RPGR: variants seen among roughly 807,000 people sequenced by gnomAD.
RPGR encodes retinitis pigmentosa GTPase regulator, also known as X-linked retinitis pigmentosa GTPase regulator.
In RPGR, 10 loss-of-function variants were observed where a neutral mutation model predicts 56.3. That is an observed-to-expected ratio of 0.18 (90% CI 0.11 to 0.30). RPGR has a LOEUF of 0.30. RPGR is among the 10% of genes least tolerant of loss of function. The pLI, the probability that RPGR is intolerant of heterozygous loss-of-function variation, is 1.00. For missense variants in RPGR, 538 were observed against 590.9 expected (o/e 0.91, Z 0.93); for synonymous variants, 197 against 212.9 (o/e 0.93, Z 0.65).
At chrX:38,270,687 T>C in intron 18 of RPGR, among the ~76,000 whole-genome samples, 1 of 108,768 alleles carries the variant, frequency 9.2e-6, no homozygotes, top group Non-Finnish European at 1.9e-5. Flanking sequence ...TGTGTGGGTC[T>C]GAGTAGGCAG....
intron 6 of RPGR, among the ~76,000 whole-genome samples, chrX:38,314,043 G>A (rs907080483): frequency 2.7e-5 from 3 of 111,249 alleles, no homozygotes; most frequent in Non-Finnish European, 5.7e-5. Context: ...TAATACTAAC[G>A]ATAGCTGATG....
chrX:38,324,648 G>C (rs1264870643), intron 1 of RPGR, among the ~76,000 whole-genome samples: 1 of 108,340 alleles, frequency 9.2e-6, no homozygotes, highest in East Asian at 3.0e-4. Context: ...TAGCTCAATA[G>C]CTACCTCTGT....
At chrX:38,296,994 C>T (rs2067395773) in intron 11 of RPGR, among the ~76,000 whole-genome samples, 1 of 111,661 alleles carries the variant, frequency 9.0e-6, no homozygotes, top group South Asian at 3.8e-4. Context: ...CTCCTAAGTT[C>T]ATCAAGTGGT....
intron 15 of RPGR, chrX:38,284,490 G>A (rs1307346758): frequency 1.9e-5 from 14 of 746,308 alleles, no homozygotes; most frequent in Non-Finnish European, 2.2e-5. Flanking sequence ...TGAATACATT[G>A]AGGGCATATA....
chrX:38,276,921 C>G, intron 15 of RPGR: 1 of 484,622 alleles, frequency 2.1e-6, no homozygotes, highest in Non-Finnish European at 3.4e-6. Context: ...AAATACTGTA[C>G]AGTCCATGCT....
chrX:38,285,556 T>C, intron 15 of RPGR: 1 of 1,211,716 alleles, frequency 8.3e-7, no homozygotes, highest in Non-Finnish European at 1.1e-6. Context: ...CAATTCCAAG[T>C]AATGTGGTAA....
chrX:38,311,366 T>C (rs745680049), intron 6 of RPGR, among the ~76,000 whole-genome samples: 2 of 112,491 alleles, frequency 1.8e-5, no homozygotes, highest in Admixed American at 9.4e-5. Flanking sequence ...TCACACTGTA[T>C]TATGACTGTG....
At chrX:38,304,943 T>G in intron 7 of RPGR, 153 bp from the exon 8 acceptor site, 1 of 489,090 alleles carries the variant, frequency 2.0e-6, no homozygotes, top group Non-Finnish European at 3.6e-6. Flanking sequence ...TATTGAAGTA[T>G]AAATCTTTCA....
chrX:38,297,176 G>A, intron 11 of RPGR, 108 bp downstream of exon 11: 3 of 840,151 alleles, frequency 3.6e-6, no homozygotes, highest in South Asian at 2.2e-5. Flanking sequence ...GCTCTAACCA[G>A]GGAGAGAACA....
chrX:38,320,335 T>C (rs931692014), intron 4 of RPGR, among the ~76,000 whole-genome samples: 1 of 111,235 alleles, frequency 9.0e-6, no homozygotes, highest in Non-Finnish European at 1.9e-5. Flanking sequence ...AGTGGTCAGG[T>C]CCTGGAGGTC....
chrX:38,320,559 T>C (rs1361390259), intron 4 of RPGR, among the ~76,000 whole-genome samples: 1 of 112,524 alleles, frequency 8.9e-6, no homozygotes, highest in Admixed American at 9.4e-5. Context: ...CAGTCCTCTG[T>C]TATTTTTCAA....
chrX:38,302,760 T>C, intron 8 of RPGR: 1 of 109,612 alleles, frequency 9.1e-6, no homozygotes, highest in Non-Finnish European at 1.9e-5. Flanking sequence ...TCCCTGTAAA[T>C]ATGTAAGTAA....
rs757948609 is a variant in RPGR at position 38,269,775 on chromosome X, C to T, written c.2299G>A (p.Glu767Lys). The change falls in exon 19 of 19, where the codon GAG becomes AAG. Residue 767 changes from glutamate (E) to lysine (K), a missense_variant. Glu to Lys is a moderately conservative substitution (Grantham distance 56). Transcript: ENST00000642395. ...ATGGATTTTATCTCTGGGAGCGGCT[C>T]ATTGTTATTCTTGACAATCTTTTGA... 8.3e-7 allele frequency: 1 copy of T among 1,210,253 alleles called. No individual in the cohort carries two copies. Among genetic ancestry groups the T allele is most frequent in the South Asian group, 1.8e-5 (1 of 56,902 alleles).
intron 13 of RPGR, among the ~76,000 whole-genome samples, chrX:38,290,556 T>C (rs2067260927): frequency 8.9e-6 from 1 of 112,270 alleles, no homozygotes; most frequent in African/African-American, 3.2e-5. Context: ...CTAAAAAAGA[T>C]ATTAATATCA....
chrX:38,269,875 G>T, intron 18 of RPGR: 1 of 965,183 alleles, frequency 1.0e-6, no homozygotes, highest in Non-Finnish European at 1.5e-6. Flanking sequence ...TTCCATAAGT[G>T]AAACATTCAC....
intron 16 of RPGR, among the ~76,000 whole-genome samples, chrX:38,275,695 A>G: frequency 8.9e-6 from 1 of 112,040 alleles, no homozygotes; most frequent in Admixed American, 9.5e-5. Flanking sequence ...ACAAGTACAC[A>G]TTCAAATAAA....
chrX:38,305,031 T>C (rs1211545345), intron 7 of RPGR, among the ~76,000 whole-genome samples: 1 of 112,226 alleles, frequency 8.9e-6, no homozygotes, highest in Non-Finnish European at 1.9e-5. Context: ...CTTTTATACA[T>C]AACCATAGTT....
At position 38,269,486 on chromosome X, in the gene RPGR, A is replaced by T. The variant is rs1391592221; in HGVS notation, c.*140T>A. 6 of 443,074 alleles carry T rather than the reference A, an allele frequency of 1.4e-5. No individual in the cohort carries two copies. The highest frequency in any genetic ancestry group is 4.9e-5 in the African/African-American group (2 of 40,786). 36.5% of individuals were successfully genotyped at this position (443,074 alleles called of 1,213,427 possible). A position where few individuals can be genotyped will look rare whatever the true frequency, so the allele number is the denominator to read the frequency against. On this transcript the variant is annotated 3_prime_UTR_variant, in exon 19 of 19. Transcript: ENST00000642395. ...GCATAAATAAATATCAAAACTGGTC[A>T]CACTTATAGAAGCTGAATAAAACAT... is the stretch of plus-strand genomic sequence containing the variant.
At chrX:38,310,449 C>A (rs755498269) in intron 7 of RPGR, among the ~76,000 whole-genome samples, 166 bp downstream of exon 7, 1 of 110,557 alleles carries the variant, frequency 9.0e-6, no homozygotes, top group African/African-American at 3.3e-5. Flanking sequence ...AATGGTCGTG[C>A]CTATACATAA....
Sources: allele counts gnomAD v4.1 joint callset (sites outside exome capture counted in the v4.1 genomes callset), GRCh38; gene constraint gnomAD v4.1.1; transcripts MANE v1.5; gene names NCBI Gene and HGNC (gene_info 2026-07-23, HGNC 2026-07-21).